Variants in TPST2 observed in about 807,000 individuals in gnomAD.
TPST2 encodes the protein tyrosylprotein sulfotransferase 2, also known as protein-tyrosine sulfotransferase 2.
Under a neutral mutation model 27.8 loss-of-function variants are expected in TPST2, and 16 were observed. That is an observed-to-expected ratio of 0.58 (90% confidence interval 0.39 to 0.88). TPST2 has a LOEUF of 0.88. Ranked by LOEUF, TPST2 falls within the 40% of genes least tolerant of loss-of-function variation. TPST2 has a pLI of 0.00. For synonymous variants in TPST2, 229 were observed against 231.7 expected (o/e 0.99, Z 0.10); for missense variants, 464 against 543.1 (o/e 0.85, Z 1.45).
chr22:26,529,357 T>G (rs1242224321), intron 5 of TPST2, among the ~76,000 whole-genome samples: 2 of 152,186 alleles, frequency 1.3e-5, no homozygotes, highest in Non-Finnish European at 2.9e-5. Context: ...TTTGAACTGC[T>G]GACCTCAAGT....
At chr22:26,560,738 C>T (rs529783488) in intron 1 of TPST2, 47 of 1,140,104 alleles carry the variant, frequency 4.1e-5, no homozygotes, top group African/African-American at 3.3e-4. Flanking sequence ...AGGCCCATTA[C>T]GAAAGAGAAA....
At chr22:26,550,214 C>T (rs985239760) in intron 1 of TPST2, among the ~76,000 whole-genome samples, 4 of 152,016 alleles carry the variant, frequency 2.6e-5, no homozygotes, top group Admixed American at 2.0e-4. Context: ...GTACCATGTG[C>T]GGGGCCCTGC....
chr22:26,550,747 C>T (rs530558070), intron 1 of TPST2: 136 of 749,670 alleles, frequency 1.8e-4, no homozygotes, highest in Middle Eastern at 6.7e-4. Context: ...CCACCCACCA[C>T]GCCTCAACCT....
At position 26,556,841 on chromosome 22, in the gene TPST2, A is replaced by G. The variant is rs572984239; in HGVS notation, c.-160-12166T>C. ...CTGCCCGTTTCCTCGCCCCACCATCAAACACAAGAGCAGTAGGGATTTGCA... is the reference window on the plus strand; with the variant it reads ...CTGCCCGTTTCCTCGCCCCACCATCGAACACAAGAGCAGTAGGGATTTGCA... On this transcript the variant is annotated intron_variant, in intron 1 of 6. Transcript: ENST00000338754. Among the ~76,000 whole-genome samples the G allele has an allele frequency of 2.6e-5, 4 of 152,294 alleles. No homozygotes were observed. In the South Asian group the frequency reaches 6.2e-4, roughly 24 times the overall value.
chr22:26,532,218 G>C (rs1925201683), intron 5 of TPST2, among the ~76,000 whole-genome samples: 1 of 152,236 alleles, frequency 6.6e-6, no homozygotes, highest in Admixed American at 6.5e-5. Flanking sequence ...ACTGAGATGT[G>C]GCCCCAGCTG....
rs532026343 is a variant in TPST2, at chr22:26,541,764, G to C, written c.-88-46C>G. On this transcript the variant is annotated intron_variant, in intron 2 of 6. Transcript: ENST00000338754. This position sits in a 1 kb window ranked among gnomAD's most constrained non-coding sequence, Gnocchi z 5.9. ...GCATAGTCAGGGAGGTCTGTGAGCT[G>C]TGAGCTCTCCAATAACTGCAAAGCC... 1.4e-6 allele frequency: 2 copies of C among 1,423,696 alleles called. No homozygotes were observed. The highest frequency in any genetic ancestry group is 3.0e-5 in the South Asian group (2 of 67,124). 88.2% of individuals were successfully genotyped at this position (1,423,696 alleles called of 1,614,324 possible).
intron 3 of TPST2, among the ~76,000 whole-genome samples, chr22:26,539,585 AG>A (rs1925676207): frequency 6.6e-6 from 1 of 150,516 alleles, no homozygotes; most frequent in Non-Finnish European, 1.5e-5. Flanking sequence ...AGACATACTG[AG>A]ATCTCATCTC....
intron 6 of TPST2, 68 bp from the exon 7 acceptor site, chr22:26,526,335 A>G (rs1466546559): frequency 6.6e-6 from 1 of 152,238 alleles, no homozygotes; most frequent in Non-Finnish European, 1.5e-5. Context: ...ATATTTATAC[A>G]TGTGATTGCA....
intron 1 of TPST2, among the ~76,000 whole-genome samples, chr22:26,573,130 C>T (rs1927696672): frequency 6.6e-6 from 1 of 152,176 alleles, no homozygotes; most frequent in Admixed American, 6.5e-5. Flanking sequence ...CCAGGGACTG[C>T]TCAAGCAATC....
At position 26,525,557 on chromosome 22, in the gene TPST2, A is replaced by G. The variant is rs1190581210; in HGVS notation, c.*718T>C. 2.0e-5 allele frequency: 3 copies of G among 152,254 alleles called. No individual in the cohort carries two copies. Among genetic ancestry groups the G allele is most frequent in the African/African-American group, 7.2e-5 (3 of 41,474 alleles). 9.4% of individuals were successfully genotyped at this position (152,254 alleles called of 1,614,324 possible). ...GTTTATCCTTTTGCTGTAATAAACC[A>G]TAACCATAAGGATAATAGCTCTTCT... On this transcript the variant is annotated 3_prime_UTR_variant, in exon 7 of 7. Coordinates refer to ENST00000338754, the MANE Select transcript of TPST2 (RefSeq NM_003595.5).
chr22:26,588,636 T>C (rs1350299313), intron 1 of TPST2, among the ~76,000 whole-genome samples: 3 of 152,286 alleles, frequency 2.0e-5, no homozygotes, highest in South Asian at 2.1e-4. Flanking sequence ...AACAGTACAA[T>C]TGGGGTTCAG....
Position 26,575,310 on chromosome 22 carries a change from T to G in TPST2, c.-161+14743A>C, listed in dbSNP as rs150155004. Among the ~76,000 whole-genome samples the G allele has an allele frequency of 4.2e-4, 64 of 152,278 alleles. 1 individual carries two copies. In the Middle Eastern group the frequency reaches 0.014, roughly 32 times the overall value. On this transcript the variant is annotated intron_variant, in intron 1 of 6. Coordinates refer to ENST00000338754, the MANE Select transcript of TPST2 (RefSeq NM_003595.5). ...TTGACACCGAATGCCTTCTTGACCC[T>G]GTACTGAAACTATTCCCTCTTCCCA...
At chr22:26,561,789 C>A (rs1236137755) in intron 1 of TPST2, among the ~76,000 whole-genome samples, 1 of 152,106 alleles carries the variant, frequency 6.6e-6, no homozygotes, top group Non-Finnish European at 1.5e-5. Context: ...AAAATTTAGG[C>A]TTAGGTACTA....
chr22:26,576,695 C>A (rs79376977), intron 1 of TPST2, among the ~76,000 whole-genome samples: 3 of 151,890 alleles, frequency 2.0e-5, no homozygotes, highest in Admixed American at 1.3e-4. Context: ...CAAAGCCGGG[C>A]ACAGTAGCTC....
intron 1 of TPST2, among the ~76,000 whole-genome samples, chr22:26,547,085 C>CA (rs1178266570): frequency 1.3e-5 from 2 of 152,018 alleles, no homozygotes; most frequent in African/African-American, 4.8e-5. Context: ...AAGAGCTCTC[C>CA]TTTTTTTCTT....
chr22:26,542,267 T>C (rs73160899), intron 2 of TPST2, among the ~76,000 whole-genome samples: 33,357 of 142,936 alleles, frequency 0.23, 4,379 homozygotes, highest in Non-Finnish European at 0.3. Flanking sequence ...AAGGCTGGAG[T>C]GCATTGAGTG....
intron 1 of TPST2, among the ~76,000 whole-genome samples, chr22:26,573,215 G>A (rs367767623): frequency 1.6e-4 from 24 of 152,198 alleles, no homozygotes; most frequent in East Asian, 1.4e-3. Context: ...ATTTTTTGTC[G>A]AGATGAGGTC....
intron 1 of TPST2, among the ~76,000 whole-genome samples, chr22:26,553,903 G>GT (rs1926631853): frequency 6.6e-6 from 1 of 152,122 alleles, no homozygotes; most frequent in South Asian, 2.1e-4. Flanking sequence ...AAAAAGCTCT[G>GT]TTCATGTTCA....
intron 1 of TPST2, among the ~76,000 whole-genome samples, chr22:26,569,405 C>T (rs1223198706): frequency 6.6e-6 from 1 of 152,210 alleles, no homozygotes; most frequent in Non-Finnish European, 1.5e-5. Context: ...GTCACACAGA[C>T]ACATTCGTCT....
Sources: gnomAD v4.1 joint callset for allele counts (sites outside exome capture counted in the v4.1 genomes callset) on GRCh38, gnomAD v4.1.1 for gene constraint, Gnocchi (gnomAD v3.1) non-coding constraint, MANE v1.5 for transcripts, NCBI Gene and HGNC (gene_info 2026-07-23, HGNC 2026-07-21) for gene names.